MARCHF4: variants seen among roughly 807,000 people sequenced by gnomAD.
The protein encoded by MARCHF4 is E3 ubiquitin-protein ligase MARCHF4.
A neutral mutation model predicts 43.9 loss-of-function variants in MARCHF4; 14 were observed. The observed-to-expected ratio is 0.32, with a 90% CI of 0.21 to 0.50. MARCHF4 has a LOEUF of 0.50. MARCHF4 is among the 20% of genes least tolerant of loss of function. MARCHF4 has a pLI of 0.98. For synonymous variants in MARCHF4, 226 were observed against 213.3 expected, an observed-to-expected ratio of 1.06 and a Z score of -0.52; for missense variants, 468 against 536.7, an observed-to-expected ratio of 0.87 and a Z score of 1.27.
chr2:216,321,392 A>G (rs539222493), intron 1 of MARCHF4, among the ~76,000 whole-genome samples: 1 of 152,314 alleles, frequency 6.6e-6, no homozygotes, highest in East Asian at 1.9e-4. Context: ...TGAAATTGCA[A>G]TGGTGGTTAA....
rs58031229 is a variant in MARCHF4, at chr2:216,336,742, T to TAAAAAAAAAAAAAAAAAAAAAAAAA, written c.516+32978_516+33002dup. On this transcript the variant is annotated intron_variant, in intron 1 of 3. Coordinates refer to ENST00000273067, the MANE Select transcript of MARCHF4 (RefSeq NM_020814.3). The stretch of plus-strand genomic sequence containing the variant: ...GGCAAATGGGAAAGGCAAATAGATT[T>TAAAAAAAAAAAAAAAAAAAAAAAAA]AAAAAAAAAAAAAAAAAAAAAAAAA... Among the ~76,000 whole-genome samples, 31 of 55,664 alleles carry TAAAAAAAAAAAAAAAAAAAAAAAAA rather than the reference T, an allele frequency of 5.6e-4. 1 individual carries two copies. Among genetic ancestry groups the TAAAAAAAAAAAAAAAAAAAAAAAAA allele is most frequent in the Admixed American group, 1.1e-3 (4 of 3,564 alleles). The allele number at this position is 55,664 out of a possible 152,430, so 36.5% of individuals were successfully genotyped here.
intron 1 of MARCHF4, among the ~76,000 whole-genome samples, chr2:216,320,796 G>C (rs1228097597): frequency 2.7e-5 from 4 of 146,498 alleles, no homozygotes. Flanking sequence ...TCAGCCTCCT[G>C]AGTAGCTGGG....
chr2:216,370,913 C>G lies in MARCHF4; in HGVS notation c.-653G>C, dbSNP rs1692749490. 1 of 151,402 alleles carries G rather than the reference C, an allele frequency of 6.6e-6. No individual in the cohort carries two copies. Among genetic ancestry groups the G allele is most frequent in the Non-Finnish European group, 1.5e-5 (1 of 67,950 alleles). 9.4% of individuals were successfully genotyped at this position (151,402 alleles called of 1,614,324 possible). On this transcript the variant is annotated 5_prime_UTR_variant, in exon 1 of 4. Coordinates refer to ENST00000273067, the MANE Select transcript of MARCHF4 (RefSeq NM_020814.3). ...AGTTTTAATTCTCCTGGGCAGAAAA[C>G]TGGGGCAATTAACCCCCAGAAGCAC...
chr2:216,370,341 A>C lies in MARCHF4; in HGVS notation c.-81T>G. On this transcript the variant is annotated 5_prime_UTR_variant, in exon 1 of 4. Coordinates refer to ENST00000273067, the MANE Select transcript of MARCHF4 (RefSeq NM_020814.3). ...GACAGGACAGGTTTTGGGGGTCCAC[A>C]GTGGATCTGTGTTGTGGGGGGAGTC... The C allele has an allele frequency of 2.2e-6, 3 of 1,378,828 alleles. No homozygotes were observed. Among genetic ancestry groups the C allele is most frequent in the African/African-American group, 1.5e-5 (1 of 68,674 alleles). The allele number at this position is 1,378,828 out of a possible 1,614,324, so 85.4% of individuals were successfully genotyped here.
At chr2:216,284,276 C>A (rs1207715167) in intron 1 of MARCHF4, among the ~76,000 whole-genome samples, 1 of 152,076 alleles carries the variant, frequency 6.6e-6, no homozygotes, top group Non-Finnish European at 1.5e-5. Flanking sequence ...CTCCAGTCAC[C>A]CTTGGGTCTG....
chr2:216,358,866 T>C (rs1692537981), intron 1 of MARCHF4, among the ~76,000 whole-genome samples: 1 of 152,172 alleles, frequency 6.6e-6, no homozygotes, highest in Admixed American at 6.5e-5. Context: ...AAACACTTCA[T>C]TGTTGGGACT....
chr2:216,339,474 G>C (rs1457585728), intron 1 of MARCHF4, among the ~76,000 whole-genome samples: 1 of 152,214 alleles, frequency 6.6e-6, no homozygotes, highest in East Asian at 1.9e-4. Context: ...AGCAGGTGCT[G>C]AGCAGTTTCC....
intron 1 of MARCHF4, among the ~76,000 whole-genome samples, chr2:216,302,327 T>G (rs1294785804): frequency 6.6e-6 from 1 of 151,766 alleles, no homozygotes; most frequent in Non-Finnish European, 1.5e-5. Flanking sequence ...CACTCCATTC[T>G]CCTGCCTCAG....
At chr2:216,288,067 A>T (rs1183797683) in intron 1 of MARCHF4, among the ~76,000 whole-genome samples, 1 of 152,092 alleles carries the variant, frequency 6.6e-6, no homozygotes, top group Non-Finnish European at 1.5e-5. Context: ...GGCTCAAGTG[A>T]TCCTCCCACC....
At chr2:216,329,396 A>AAACC (rs1194621639) in intron 1 of MARCHF4, among the ~76,000 whole-genome samples, 1 of 152,102 alleles carries the variant, frequency 6.6e-6, no homozygotes, top group East Asian at 1.9e-4. Context: ...ACAAACAAAC[A>AAACC]AACAAACAAA....
intron 3 of MARCHF4, among the ~76,000 whole-genome samples, chr2:216,274,776 C>T (rs149702990): frequency 2.0e-4 from 30 of 152,162 alleles, no homozygotes; most frequent in Non-Finnish European, 4.0e-4. Flanking sequence ...TGGGAGTCAG[C>T]CTAAGACAAA....
chr2:216,310,258 CTTTCT>C (rs748178580), intron 1 of MARCHF4, among the ~76,000 whole-genome samples: 1 of 151,926 alleles, frequency 6.6e-6, no homozygotes, highest in Non-Finnish European at 1.5e-5. Context: ...TTAGATAGTT[CTTTCT>C]TTTCTTTTCT....
intron 1 of MARCHF4, among the ~76,000 whole-genome samples, chr2:216,318,649 A>T (rs1408424021): frequency 2.6e-5 from 4 of 152,174 alleles, no homozygotes; most frequent in Admixed American, 2.6e-4. Context: ...AGGTAGGAGC[A>T]GGCTGATGTG....
chr2:216,282,531 C>G (rs1266512134), intron 2 of MARCHF4, among the ~76,000 whole-genome samples: 1 of 152,170 alleles, frequency 6.6e-6, no homozygotes, highest in Non-Finnish European at 1.5e-5. Flanking sequence ...AGTCCCCATC[C>G]TCACTCTCGT....
intron 1 of MARCHF4, among the ~76,000 whole-genome samples, chr2:216,328,571 T>C (rs1692033017): frequency 6.6e-6 from 1 of 152,214 alleles, no homozygotes; most frequent in African/African-American, 2.4e-5. Context: ...AGAGCCCTTG[T>C]TCACTTCTTA....
intron 1 of MARCHF4, among the ~76,000 whole-genome samples, chr2:216,366,819 T>C (rs1047944891): frequency 2.6e-4 from 40 of 152,210 alleles, no homozygotes; most frequent in African/African-American, 9.4e-4. Flanking sequence ...TGTCTATTTA[T>C]GTGTCTCTAC....
At chr2:216,267,041 T>C (rs1309931884) in intron 3 of MARCHF4, among the ~76,000 whole-genome samples, 1 of 152,232 alleles carries the variant, frequency 6.6e-6, no homozygotes, top group African/African-American at 2.4e-5. Flanking sequence ...AGGATTGCCC[T>C]TTGGAAATAG....
At chr2:216,314,954 C>T (rs549042070) in intron 1 of MARCHF4, among the ~76,000 whole-genome samples, 8 of 152,018 alleles carry the variant, frequency 5.3e-5, no homozygotes, top group Non-Finnish European at 1.2e-4. Context: ...AGTAGTCAGA[C>T]GACATCAGAA....
chr2:216,277,547 C>T (rs1574461361), intron 3 of MARCHF4, 125 bp downstream of exon 3: 3 of 988,542 alleles, frequency 3.0e-6, no homozygotes, highest in South Asian at 1.9e-5. Flanking sequence ...CTCTCCTGAG[C>T]TCCCAGTTCT....
Sources: allele counts gnomAD v4.1 joint callset (sites outside exome capture counted in the v4.1 genomes callset), GRCh38; gene constraint gnomAD v4.1.1; transcripts MANE v1.5; gene names NCBI Gene and HGNC (gene_info 2026-07-23, HGNC 2026-07-21).